TUSC3: variants seen among roughly 807,000 people sequenced by gnomAD.
The protein encoded by TUSC3 is tumor suppressor candidate 3.
TUSC3 carries 45 observed loss-of-function variants against 44.8 expected under a neutral mutation model. The observed-to-expected ratio is 1.00, with a 90% CI of 0.79 to 1.29. The LOEUF (loss-of-function observed/expected upper bound fraction) is 1.29. Ranked by LOEUF, TUSC3 falls within the 50% of genes most tolerant of loss-of-function variation. The pLI, the probability that TUSC3 is intolerant of heterozygous loss-of-function variation, is 0.00. For missense variants in TUSC3, 519 were observed against 437.9 expected, an observed-to-expected ratio of 1.19 and a Z score of -1.65; for synonymous variants, 212 against 152.9, an observed-to-expected ratio of 1.39 and a Z score of -2.85.
At chr8:15,448,117 A>ATATATATATATATTTATT (rs1276079521) in intron 1 of TUSC3, among the ~76,000 whole-genome samples, 1 of 93,770 alleles carries the variant, frequency 1.1e-5, no homozygotes, top group Non-Finnish European at 2.2e-5. Context: ...ACATATATAT[A>ATATATATATATATTTATT]TATTTATTTA....
chr8:15,736,566 T>C (rs1289302706), intron 7 of TUSC3, among the ~76,000 whole-genome samples: 2 of 152,216 alleles, frequency 1.3e-5, no homozygotes, highest in African/African-American at 4.8e-5. Flanking sequence ...TAATCTTAAA[T>C]CTGCTTTTCT....
the TUSC3 span, among the ~76,000 whole-genome samples, chr8:15,799,728 A>G: frequency 1.3e-5 from 2 of 152,150 alleles, no homozygotes; most frequent in African/African-American, 4.8e-5. Flanking sequence ...TCAGCATCCC[A>G]CACTTAATGC....
intron 1 of TUSC3, among the ~76,000 whole-genome samples, chr8:15,609,717 T>A (rs1011828391): frequency 2.6e-5 from 4 of 152,028 alleles, no homozygotes; most frequent in Admixed American, 2.0e-4. Flanking sequence ...TTAAGCAATT[T>A]TTTAGTGAAA....
intron 1 of TUSC3, among the ~76,000 whole-genome samples, chr8:15,449,037 G>A (rs965294910): frequency 6.6e-6 from 1 of 152,140 alleles, no homozygotes; most frequent in Non-Finnish European, 1.5e-5. Context: ...ACTGTTAACT[G>A]AAGAATGAGG....
Position 15,712,715 on chromosome 8 carries a change from A to G in TUSC3, c.799-17951A>G, listed in dbSNP as rs962554654. Among the ~76,000 whole-genome samples the G allele has an allele frequency of 4.6e-5, 7 of 152,062 alleles. No individual in the cohort carries two copies. The South Asian group carries it at 1.0e-3, about 22-fold the overall frequency. On this transcript the variant is annotated intron_variant, in intron 6 of 10. Coordinates refer to ENST00000503731, the MANE Select transcript of TUSC3 (RefSeq NM_006765.4). ...TAAAATACTGTAGAAAGTCAGAAAT[A>G]ACGTTTTGATTTAATACATTCCACA...
At chr8:15,430,450 A>G (rs1189280517) in intron 1 of TUSC3, among the ~76,000 whole-genome samples, 1 of 150,638 alleles carries the variant, frequency 6.6e-6, no homozygotes, top group Non-Finnish European at 1.5e-5. Context: ...AAAAACTCTC[A>G]ATAAATTAAG....
chr8:15,561,709 C>G (rs573767237), intron 1 of TUSC3: 20 of 149,212 alleles, frequency 1.3e-4, no homozygotes, highest in African/African-American at 4.9e-4. Context: ...TCTTGTGGTG[C>G]GCCGTTTTTT....
At chr8:15,788,015 G>C in the TUSC3 span, among the ~76,000 whole-genome samples, 2 of 152,114 alleles carry the variant, frequency 1.3e-5, no homozygotes, top group Non-Finnish European at 1.5e-5. Flanking sequence ...ATAACTTTCA[G>C]GGGAACATTT....
chr8:15,814,385 G>A, the TUSC3 span, among the ~76,000 whole-genome samples: 1 of 152,142 alleles, frequency 6.6e-6, no homozygotes, highest in African/African-American at 2.4e-5. Flanking sequence ...ATTTGAATAT[G>A]AGTCACTAAT....
chr8:15,450,102 T>G (rs899820080), intron 1 of TUSC3, among the ~76,000 whole-genome samples: 6 of 152,194 alleles, frequency 3.9e-5, no homozygotes, highest in Non-Finnish European at 1.5e-5. Context: ...GAGTGACACA[T>G]GACGACTGTA....
intron 6 of TUSC3, among the ~76,000 whole-genome samples, chr8:15,718,343 G>A (rs193274461): frequency 6.6e-6 from 1 of 152,122 alleles, no homozygotes; most frequent in Non-Finnish European, 1.5e-5. Flanking sequence ...TGAAGCTTAG[G>A]TCATTAGAAG....
the TUSC3 span, among the ~76,000 whole-genome samples, chr8:15,771,989 T>C: frequency 2.6e-5 from 4 of 151,974 alleles, no homozygotes; most frequent in East Asian, 7.7e-4. Flanking sequence ...CCTGGGAGGC[T>C]GAGGCAGGAG....
At chr8:15,594,059 T>C (rs566572338) in intron 1 of TUSC3, among the ~76,000 whole-genome samples, 3 of 152,366 alleles carry the variant, frequency 2.0e-5, no homozygotes, top group Admixed American at 2.0e-4. Context: ...TGTATACTAC[T>C]TGTATACCCT....
the TUSC3 span, among the ~76,000 whole-genome samples, chr8:15,847,525 C>T: frequency 2.0e-5 from 3 of 152,118 alleles, no homozygotes; most frequent in African/African-American, 7.2e-5. Flanking sequence ...CAAATACGTT[C>T]TACCTAGGTG....
chr8:15,421,865 T>C (rs1400654611), intron 1 of TUSC3, among the ~76,000 whole-genome samples: 1 of 152,196 alleles, frequency 6.6e-6, no homozygotes, highest in Admixed American at 6.5e-5. Context: ...TCTGATTTTA[T>C]GTTTTCTTAA....
At chr8:15,601,443 C>G (rs1039902758) in intron 1 of TUSC3, among the ~76,000 whole-genome samples, 3 of 151,660 alleles carry the variant, frequency 2.0e-5, no homozygotes, top group Admixed American at 6.6e-5. Flanking sequence ...TTATTAGTGA[C>G]TCCCTTCTAG....
chr8:15,797,442 A>G, the TUSC3 span, among the ~76,000 whole-genome samples: 9 of 152,260 alleles, frequency 5.9e-5, no homozygotes, highest in Non-Finnish European at 1.0e-4. Context: ...ACATGGTTCC[A>G]TAAAAAACTT....
At chr8:15,681,251 A>G (rs1808419409) in intron 6 of TUSC3, among the ~76,000 whole-genome samples, 1 of 148,166 alleles carries the variant, frequency 6.7e-6, no homozygotes, top group Non-Finnish European at 1.5e-5. Flanking sequence ...TAGGATTGGT[A>G]CCAGTTCTTC....
intron 1 of TUSC3, among the ~76,000 whole-genome samples, chr8:15,564,774 A>G (rs906095617): frequency 2.0e-5 from 3 of 152,054 alleles, no homozygotes; most frequent in Admixed American, 2.0e-4. Context: ...TGACCCATCA[A>G]GATTTCCCCA....
Sources: allele counts gnomAD v4.1 joint callset (sites outside exome capture counted in the v4.1 genomes callset), GRCh38; gene constraint gnomAD v4.1.1; transcripts MANE v1.5; gene names NCBI Gene and HGNC (gene_info 2026-07-23, HGNC 2026-07-21).